Variants in EDN2 observed in about 807,000 individuals in gnomAD.
EDN2 encodes the protein endothelin-2.
EDN2 carries 10 observed loss-of-function variants against 19.9 expected under a neutral mutation model. The ratio of observed to expected loss-of-function variants is 0.50; its 90% CI spans 0.31 to 0.85. EDN2 has a LOEUF of 0.85. EDN2 is among the 40% of genes least tolerant of loss of function. EDN2 has a pLI of 0.05. For missense variants in EDN2, 222 were observed against 239.3 expected (o/e 0.93, Z 0.48); for synonymous variants, 84 against 94.9 (o/e 0.89, Z 0.67).
At chr1:41,481,860 G>A (rs1176009594) in intron 3 of EDN2, among the ~76,000 whole-genome samples, 1 of 152,144 alleles carries the variant, frequency 6.6e-6, no homozygotes, top group Admixed American at 6.5e-5. Context: ...GGACTTTGAA[G>A]CCAGTTTGGT....
At position 41,479,258 on chromosome 1, in the gene EDN2, G is replaced by A; in HGVS notation, c.*151C>T. 1.4e-6 allele frequency: 1 copy of A among 739,226 alleles called. No homozygotes were observed. The highest frequency in any genetic ancestry group is 2.4e-6 in the Non-Finnish European group (1 of 417,576). 45.8% of individuals were successfully genotyped at this position (739,226 alleles called of 1,614,324 possible). A position where few individuals can be genotyped will look rare whatever the true frequency, so the allele number is the denominator to read the frequency against. On this transcript the variant is annotated 3_prime_UTR_variant, in exon 5 of 5. Coordinates refer to ENST00000372587, the MANE Select transcript of EDN2 (RefSeq NM_001956.5). Reference sequence around the variant, plus strand: ...TGCCTTGGACGAGGCTCCCTCACCAGGGAGCTTGTGCCAATCCTGGCAAAT... The same window carrying A: ...TGCCTTGGACGAGGCTCCCTCACCAAGGAGCTTGTGCCAATCCTGGCAAAT...
intron 2 of EDN2, among the ~76,000 whole-genome samples, chr1:41,483,356 A>G (rs1189682268): frequency 2.0e-5 from 3 of 152,242 alleles, no homozygotes; most frequent in African/African-American, 7.2e-5. Flanking sequence ...AGCTTCACAC[A>G]CGCTTACGTG....
At chr1:41,483,874 C>A in intron 2 of EDN2, 173 bp downstream of exon 2, 2 of 680,706 alleles carry the variant, frequency 2.9e-6, no homozygotes, top group Non-Finnish European at 4.9e-6. Flanking sequence ...CTCTATGGCT[C>A]AGGTGGTCCC....
intron 4 of EDN2, 64 bp from the exon 5 acceptor site, chr1:41,479,566 G>A: frequency 7.0e-7 from 1 of 1,422,392 alleles, no homozygotes; most frequent in Non-Finnish European, 9.9e-7. Flanking sequence ...AGCTCCCCAT[G>A]AGAGCAGGGG....
At position 41,484,049 on chromosome 1, in the gene EDN2, A is replaced by G; in HGVS notation, c.219T>C (p.Pro73=). 1 of 1,602,616 alleles carries G rather than the reference A, an allele frequency of 6.2e-7. No homozygotes were observed. The highest frequency in any genetic ancestry group is 8.5e-7 in the Non-Finnish European group (1 of 1,174,702). ...CCCCAATCCCCATGGATGCTCACTC[A>G]GGAGTGTTCACCCAGATGATGTCCA... ...CHLDIIWVNT[P]EQTAPYGLGN... Residue 73 remains proline, a splice_region_variant and synonymous_variant, in exon 2 of 5, where the codon CCT becomes CCC. Transcript: ENST00000372587.
intron 1 of EDN2, 21 bp from the exon 2 acceptor site, chr1:41,484,224 G>A: frequency 6.2e-7 from 1 of 1,605,862 alleles, no homozygotes; most frequent in Non-Finnish European, 8.5e-7. Flanking sequence ...AGGAGGGAGA[G>A]AGAGGTGGAG....
rs567643182 is a variant in EDN2, at chr1:41,480,530, C to T, written c.443+565G>A. Reference sequence around the variant, plus strand: ...GGCACAGTGAAGTTGAGGGGCAAACCCAAGGTCACAAAGCTTGTACCAGGC... The same window carrying T: ...GGCACAGTGAAGTTGAGGGGCAAACTCAAGGTCACAAAGCTTGTACCAGGC... On this transcript the variant is annotated intron_variant, in intron 4 of 4. Transcript: ENST00000372587. Among the ~76,000 whole-genome samples the T allele has an allele frequency of 2.8e-3, 430 of 152,370 alleles. 3 individuals are homozygous for T. Among genetic ancestry groups the T allele is most frequent in the African/African-American group, 9.9e-3 (411 of 41,590 alleles).
Position 41,479,104 on chromosome 1 carries a change from C to T in EDN2, c.*305G>A, listed in dbSNP as rs371172922. On this transcript the variant is annotated 3_prime_UTR_variant, in exon 5 of 5. Transcript: ENST00000372587. ...CCAGCAGACAGGACACTCCTCAGGA[C>T]GCAGCCTCCAGATGAATGTACTCCC... 3.1e-5 allele frequency: 14 copies of T among 444,750 alleles called. No homozygotes were observed. The highest frequency in any genetic ancestry group is 8.0e-5 in the African/African-American group (4 of 50,236). 27.6% of individuals were successfully genotyped at this position (444,750 alleles called of 1,614,324 possible).
At chr1:41,483,084 G>A (rs986043169) in intron 2 of EDN2, 1 of 153,208 alleles carries the variant, frequency 6.5e-6, no homozygotes, top group East Asian at 1.9e-4. Context: ...CTTGCCTGGA[G>A]GGGTAACACA....
chr1:41,480,733 C>A (rs908034333), intron 4 of EDN2: 3 of 482,824 alleles, frequency 6.2e-6, no homozygotes, highest in Non-Finnish European at 1.2e-5. Flanking sequence ...GCAATCTGGG[C>A]AGCAGAGAGG....
intron 3 of EDN2, 52 bp downstream of exon 3, chr1:41,482,414 A>G: frequency 1.3e-6 from 2 of 1,522,982 alleles, no homozygotes; most frequent in Non-Finnish European, 1.8e-6. Flanking sequence ...TCCCCAGGGC[A>G]TGCCCGGGCT....
rs777500644 is a variant in EDN2, at chr1:41,484,588, G to C, written c.14C>G (p.Pro5Arg). The change falls in exon 1 of 5, where the codon CCT becomes CGT. Residue 5 changes from proline to arginine, a missense_variant. Transcript: ENST00000372587. The part of the protein sequence containing the change: MVSV[P>R]TTWCSVALAL... ...TAGCGCAACGGAGCACCAGGTGGTA[G>C]GCACGGAGACCATAGCGGCGGTGGA... 6.4e-7 allele frequency: 1 copy of C among 1,560,226 alleles called. No individual in the cohort carries two copies. Among genetic ancestry groups the C allele is most frequent in the South Asian group, 1.2e-5 (1 of 84,466 alleles).
rs1644224989 is a variant in EDN2, at chr1:41,479,168, G to A, written c.*241C>T. 1 of 625,056 alleles carries A rather than the reference G, an allele frequency of 1.6e-6. No individual in the cohort carries two copies. Among genetic ancestry groups the A allele is most frequent in the Non-Finnish European group, 3.0e-6 (1 of 337,028 alleles). 38.7% of individuals were successfully genotyped at this position (625,056 alleles called of 1,614,324 possible). A position where few individuals can be genotyped will look rare whatever the true frequency, so the allele number is the denominator to read the frequency against. The stretch of plus-strand genomic sequence containing the variant: ...CAGCAGAGCTGTGGGCCAGCAGCCA[G>A]CACTGGAGGCTGCTCCGCAGTCTGG... On this transcript the variant is annotated 3_prime_UTR_variant, in exon 5 of 5. Coordinates refer to ENST00000372587, the MANE Select transcript of EDN2 (RefSeq NM_001956.5).
intron 2 of EDN2, 33 bp downstream of exon 2, chr1:41,484,014 C>A: frequency 3.2e-6 from 5 of 1,552,182 alleles, no homozygotes; most frequent in Non-Finnish European, 4.4e-6. Flanking sequence ...TGCCCCAGAG[C>A]TCCCCCTGCC....
rs1644224662 is a variant in EDN2 at position 41,479,139 on chromosome 1, C to T, written c.*270G>A. The T allele has an allele frequency of 3.6e-6, 2 of 556,384 alleles. No individual in the cohort carries two copies. Among genetic ancestry groups the T allele is most frequent in the South Asian group, 3.6e-5 (2 of 56,114 alleles). The allele number at this position is 556,384 out of a possible 1,614,324, so 34.5% of individuals were successfully genotyped here. ...AGATGAATGTACTCCCCATGCAGTT[C>T]TTCCAGCAGAGCTGTGGGCCAGCAG... On this transcript the variant is annotated 3_prime_UTR_variant, in exon 5 of 5. Transcript: ENST00000372587.
chr1:41,483,839 T>C (rs1644268544), intron 2 of EDN2: 1 of 550,610 alleles, frequency 1.8e-6, no homozygotes, highest in Non-Finnish European at 3.2e-6. Context: ...CCAGGCTGTC[T>C]TAAGAATTCT....
Position 41,479,457 on chromosome 1 carries a change from C to T in EDN2, c.489G>A (p.Glu163=). 6.2e-7 allele frequency: 1 copy of T among 1,614,240 alleles called. No individual in the cohort carries two copies. The highest frequency in any genetic ancestry group is 8.5e-7 in the Non-Finnish European group (1 of 1,180,042). ...VKSLFAKRQQ[E]AMREPRSTHS... is the part of the protein sequence containing the mutation. ...GTGTGGACCGAGGCTCCCGCATGGC[C>T]TCCTGTTGTCGCTTGGCAAAGAGGC... Residue 163 remains glutamate (E), a synonymous_variant, in exon 5 of 5, where the codon GAG becomes GAA. Transcript: ENST00000372587.
rs778406208 is a variant in EDN2, at chr1:41,482,549, G to A, written c.261C>T (p.Arg87=). 6.3e-7 allele frequency: 1 copy of A among 1,588,378 alleles called. No individual in the cohort carries two copies. The highest frequency in any genetic ancestry group is 8.6e-7 in the Non-Finnish European group (1 of 1,169,372). The part of the protein sequence containing the change: ...APYGLGNPPR[R]RRRSLPRRCQ... ...AGCGCCTTGGCAGGGAGCGGCGCCG[G>A]CGTCTTGGCGGGTTTCCCAGGCCGT... Residue 87 remains arginine, a synonymous_variant, in exon 3 of 5, where the codon CGC becomes CGT. Transcript: ENST00000372587.
At chr1:41,483,413 A>G (rs1334617674) in intron 2 of EDN2, among the ~76,000 whole-genome samples, 1 of 152,236 alleles carries the variant, frequency 6.6e-6, no homozygotes, top group Non-Finnish European at 1.5e-5. Flanking sequence ...AAAAAATCAC[A>G]AACACACACA....
Sources: gnomAD v4.1 joint callset for allele counts (sites outside exome capture counted in the v4.1 genomes callset) on GRCh38, gnomAD v4.1.1 for gene constraint, MANE v1.5 for transcripts, NCBI Gene and HGNC (gene_info 2026-07-23, HGNC 2026-07-21) for gene names.